Variants in PRDM5 observed in about 807,000 individuals in gnomAD.
PRDM5 encodes PR domain zinc finger protein 5.
Under a neutral mutation model 81.2 loss-of-function variants are expected in PRDM5, and 56 were observed. The observed-to-expected ratio is 0.69, with a 90% CI of 0.56 to 0.86. The LOEUF is 0.86. Among genes scored for constraint, PRDM5 ranks in the 40% least tolerant of loss-of-function variants. The pLI is 0.00. For synonymous variants in PRDM5, 267 were observed against 256.4 expected (o/e 1.04, Z -0.39); for missense variants, 697 against 770.1 (o/e 0.91, Z 1.12).
chr4:120,769,375 C>A (rs943012869), intron 13 of PRDM5, among the ~76,000 whole-genome samples: 1 of 152,044 alleles, frequency 6.6e-6, no homozygotes, highest in African/African-American at 2.4e-5. Flanking sequence ...GCTGACCTAA[C>A]AAGGCAGGGG....
intron 11 of PRDM5, among the ~76,000 whole-genome samples, chr4:120,782,547 G>T (rs1048263284): frequency 4.6e-5 from 7 of 152,050 alleles, no homozygotes; most frequent in African/African-American, 1.4e-4. Context: ...CTAACTTAAA[G>T]TCTCTTAGAG....
At chr4:120,856,340 T>C (rs1759873677) in intron 2 of PRDM5, among the ~76,000 whole-genome samples, 1 of 152,248 alleles carries the variant, frequency 6.6e-6, no homozygotes, top group African/African-American at 2.4e-5. Context: ...ATTACCTACA[T>C]ATTCATATTT....
intron 1 of PRDM5, among the ~76,000 whole-genome samples, chr4:120,909,940 C>T (rs959856451): frequency 6.6e-6 from 1 of 152,052 alleles, no homozygotes; most frequent in Admixed American, 6.5e-5. Flanking sequence ...CACACATACA[C>T]AGAAACACAC....
chr4:120,747,928 G>T, intron 14 of PRDM5, among the ~76,000 whole-genome samples: 1 of 152,176 alleles, frequency 6.6e-6, no homozygotes, highest in East Asian at 1.9e-4. Flanking sequence ...TGCCTTCCAT[G>T]TTGAAATCAA....
intron 14 of PRDM5, among the ~76,000 whole-genome samples, chr4:120,727,690 C>T (rs932612094): frequency 6.6e-6 from 1 of 152,114 alleles, no homozygotes; most frequent in African/African-American, 2.4e-5. Context: ...AATCCCAACA[C>T]TTTGGGCGGC....
At chr4:120,852,736 C>T (rs1014021579) in intron 3 of PRDM5, among the ~76,000 whole-genome samples, 6 of 150,036 alleles carry the variant, frequency 4.0e-5, no homozygotes, top group African/African-American at 1.5e-4. Context: ...CATATATACA[C>T]ACAACCATAT....
At chr4:120,804,493 AAACT>A (rs1294617333) in intron 8 of PRDM5, among the ~76,000 whole-genome samples, 3 of 152,230 alleles carry the variant, frequency 2.0e-5, no homozygotes, top group Non-Finnish European at 4.4e-5. Context: ...AAATTATAAC[AAACT>A]ATCTATCAGA....
intron 2 of PRDM5, among the ~76,000 whole-genome samples, chr4:120,869,485 A>C: frequency 6.6e-6 from 1 of 152,228 alleles, no homozygotes; most frequent in East Asian, 1.9e-4. Flanking sequence ...TTGGTTGCTA[A>C]ACAGACCAAA....
intron 1 of PRDM5, among the ~76,000 whole-genome samples, chr4:120,907,958 T>G (rs745865983): frequency 5.9e-5 from 9 of 152,332 alleles, no homozygotes; most frequent in Admixed American, 5.2e-4. Context: ...AATCATAAAT[T>G]CATCCATATT....
In PRDM5 at chr4:120,695,175, T is replaced by C; in HGVS notation, c.1829A>G (p.Lys610Arg). Residue 610 changes from lysine (K) to arginine (R), a missense_variant, in exon 16 of 16, where the codon AAG (lysine) becomes AGG (arginine). Physicochemically the swap from Lys to Arg is conservative, Grantham distance 26. This residue lies in a region of PRDM5 where 34 missense variants were observed against 28.1 expected (regional missense o/e 1.21). Coordinates refer to ENST00000264808, the MANE Select transcript of PRDM5 (RefSeq NM_018699.4). ...TTTGAGGTAGTCATTCCTTGTAAAC[T>C]TCTTATGGCAAAACTGGCATTCTGC... is the stretch of plus-strand genomic sequence containing the variant. ...PLAECQFCHK[K>R]FTRNDYLKVH... 6.2e-7 allele frequency: 1 copy of C among 1,613,646 alleles called. No individual in the cohort carries two copies. The highest frequency in any genetic ancestry group is 8.5e-7 in the Non-Finnish European group (1 of 1,179,646).
At chr4:120,730,709 C>G (rs1233474989) in intron 14 of PRDM5, among the ~76,000 whole-genome samples, 2 of 152,176 alleles carry the variant, frequency 1.3e-5, no homozygotes, top group Non-Finnish European at 2.9e-5. Context: ...CATGTACTTT[C>G]TTTTAAATCC....
At chr4:120,729,863 C>T (rs2149081180) in intron 14 of PRDM5, among the ~76,000 whole-genome samples, 1 of 152,296 alleles carries the variant, frequency 6.6e-6, no homozygotes, top group Non-Finnish European at 1.5e-5. Flanking sequence ...GTCCCCATGC[C>T]AGTCATCTTG....
At chr4:120,907,408 C>T in intron 2 of PRDM5, 66 bp downstream of exon 2, 1 of 1,310,836 alleles carries the variant, frequency 7.6e-7, no homozygotes, top group Non-Finnish European at 1.1e-6. Context: ...TTAATGTAGC[C>T]TTAAAAATGC....
chr4:120,818,466 C>T lies in PRDM5; in HGVS notation c.537G>A (p.Glu179=), dbSNP rs1561369293. 1.2e-6 allele frequency: 2 copies of T among 1,613,700 alleles called. No individual in the cohort carries two copies. Among genetic ancestry groups the T allele is most frequent in the East Asian group, 2.2e-5 (1 of 44,874 alleles). ...TCTGGAGATGCTCAGCAAGAATATC[C>T]TCACTGGTAAAACTCGATTCACATT... ...CPQCESSFTS[E]DILAEHLQTL... The change falls in exon 5 of 16, where the codon GAG becomes GAA. Residue 179 remains glutamate (E), a synonymous_variant. Coordinates refer to ENST00000264808, the MANE Select transcript of PRDM5 (RefSeq NM_018699.4).
chr4:120,733,528 A>C (rs1450757869), intron 14 of PRDM5, among the ~76,000 whole-genome samples: 2 of 152,142 alleles, frequency 1.3e-5, no homozygotes, highest in Non-Finnish European at 2.9e-5. Context: ...AGTGGACCCT[A>C]CCTGGTCTCC....
At chr4:120,839,381 T>C (rs2149388126) in intron 3 of PRDM5, 1 of 685,580 alleles carries the variant, frequency 1.5e-6, no homozygotes, top group South Asian at 1.5e-5. Context: ...AGGTTTTCTT[T>C]CCACAGGCAG....
chr4:120,741,248 T>A (rs1741891692), intron 14 of PRDM5, among the ~76,000 whole-genome samples: 4 of 152,134 alleles, frequency 2.6e-5, no homozygotes, highest in African/African-American at 9.7e-5. Flanking sequence ...CTAGGAAAAT[T>A]ATTCTTGCCT....
chr4:120,758,156 C>T lies in PRDM5; in HGVS notation c.1538-3518G>A, dbSNP rs998452242. ...CCTTGGTCTCTTGCAAATGGCATAT[C>T]ATGGAACTTCTTGGCCTCCATAACT... On this transcript the variant is annotated intron_variant, in intron 13 of 15. Coordinates refer to ENST00000264808, the MANE Select transcript of PRDM5 (RefSeq NM_018699.4). Among the ~76,000 whole-genome samples, 5 of 152,282 alleles carry T rather than the reference C, an allele frequency of 3.3e-5. No individual in the cohort carries two copies. The South Asian group carries it at 8.3e-4, about 25-fold the overall frequency.
chr4:120,870,783 C>T (rs900111853), intron 2 of PRDM5, among the ~76,000 whole-genome samples: 1 of 152,146 alleles, frequency 6.6e-6, no homozygotes, highest in Non-Finnish European at 1.5e-5. Flanking sequence ...GACGGTAGCT[C>T]AGCATCACCC....
Sources: allele counts gnomAD v4.1 joint callset (sites outside exome capture counted in the v4.1 genomes callset), GRCh38; gene constraint gnomAD v4.1.1; regional missense constraint gnomAD v4.1.1; transcripts MANE v1.5; gene names NCBI Gene and HGNC (gene_info 2026-07-23, HGNC 2026-07-21).